Variants in EIF4E3 observed in about 807,000 individuals in gnomAD.
EIF4E3 encodes eukaryotic translation initiation factor 4E type 3.
EIF4E3 carries 26 observed loss-of-function variants against 31.7 expected under a neutral mutation model. The observed-to-expected ratio is 0.82, with a 90% confidence interval of 0.60 to 1.14. The LOEUF is 1.14. EIF4E3 is among the 50% of genes most tolerant of loss of function. The pLI is 0.00. For missense variants in EIF4E3, 304 were observed against 270.9 expected, an observed-to-expected ratio of 1.12 and a Z score of -0.86; for synonymous variants, 128 against 107.7, an observed-to-expected ratio of 1.19 and a Z score of -1.17.
At chr3:71,674,321 G>A (rs972108353), downstream of EIF4E3, among the ~76,000 whole-genome samples, 6 of 151,646 alleles carry the variant, frequency 4.0e-5, no homozygotes, top group African/African-American at 1.5e-4. Flanking sequence ...TGGCCGGGCT[G>A]GTCTTGAACT....
Position 71,749,393 on chromosome 3 carries a change from C to T in EIF4E3, c.-291+4070G>A, listed in dbSNP as rs928144049. ...CATGGGGAGGTCAACTTGAGTGCTG[C>T]CCTTTGATAATCCAACATCCACTGG... On this transcript the variant is annotated intron_variant, in intron 1 of 7. Transcript: ENST00000295612. Among the ~76,000 whole-genome samples the T allele has an allele frequency of 2.0e-5, 3 of 152,240 alleles. 1 individual carries two copies. The highest frequency in any genetic ancestry group is 7.2e-5 in the African/African-American group (3 of 41,468).
At chr3:71,661,819 G>A in the EIF4E3 span, among the ~76,000 whole-genome samples, 2 of 152,290 alleles carry the variant, frequency 1.3e-5, no homozygotes, top group East Asian at 3.9e-4. Context: ...AATGGTGGAT[G>A]GTGAGATAAT....
At chr3:71,719,737 G>A (rs890619466) in intron 1 of EIF4E3, among the ~76,000 whole-genome samples, 6 of 152,134 alleles carry the variant, frequency 3.9e-5, no homozygotes, top group Non-Finnish European at 1.5e-5. Flanking sequence ...AAGAAGAGGT[G>A]GGTTTGGACA....
intron 2 of EIF4E3, among the ~76,000 whole-genome samples, chr3:71,706,479 T>A (rs1038650427): frequency 1.3e-5 from 2 of 152,076 alleles, no homozygotes; most frequent in African/African-American, 4.8e-5. Flanking sequence ...AACACAGACA[T>A]AATTGGAGAA....
At chr3:71,740,769 A>C (rs188132351) in intron 1 of EIF4E3, among the ~76,000 whole-genome samples, 8 of 152,322 alleles carry the variant, frequency 5.3e-5, no homozygotes, top group Non-Finnish European at 1.2e-4. Flanking sequence ...ATATTTACTG[A>C]GTACCTACTA....
downstream of EIF4E3, among the ~76,000 whole-genome samples, chr3:71,670,709 C>A (rs776281028): frequency 1.3e-5 from 2 of 152,150 alleles, no homozygotes; most frequent in Non-Finnish European, 2.9e-5. Flanking sequence ...AACAGGCCCA[C>A]CTTGGTCAGA....
In EIF4E3 at chr3:71,702,802, T is replaced by C. The variant is rs377217310; in HGVS notation, c.250-3094A>G. ...AAACCTCATCCAATAGGTAGAATAT[T>C]TGTGAAGTATGTCTGCTGGTGAAAT... On this transcript the variant is annotated intron_variant, in intron 2 of 6. Coordinates refer to ENST00000425534, the MANE Select transcript of EIF4E3 (RefSeq NM_001134651.2). Among the ~76,000 whole-genome samples, 4 of 151,946 alleles carry C rather than the reference T, an allele frequency of 2.6e-5. No individual in the cohort carries two copies. In the South Asian group the frequency reaches 6.3e-4, roughly 24 times the overall value.
rs1227819492 is a variant in EIF4E3 at position 71,677,112 on chromosome 3, GA to G, written c.*7569del. Reference sequence around the variant, plus strand: ...AGTTCAACATGCTTACGATTATAAAGAATTTATGATTTATGCTTGCTAGTTA... The same window carrying G: ...AGTTCAACATGCTTACGATTATAAAGATTTATGATTTATGCTTGCTAGTTA... On this transcript the variant is annotated 3_prime_UTR_variant, in exon 7 of 7. Transcript: ENST00000425534. The G allele has an allele frequency of 4.6e-5, 7 of 152,096 alleles. No homozygotes were observed. The highest frequency in any genetic ancestry group is 1.0e-4 in the Non-Finnish European group (7 of 68,016). 9.4% of individuals were successfully genotyped at this position (152,096 alleles called of 1,614,324 possible). A position where few individuals can be genotyped will look rare whatever the true frequency, so the allele number is the denominator to read the frequency against.
chr3:71,677,605 G>A lies in EIF4E3; in HGVS notation c.*7077C>T, dbSNP rs1042734792. The A allele has an allele frequency of 6.6e-6, 1 of 152,160 alleles. No homozygotes were observed. The highest frequency in any genetic ancestry group is 1.5e-5 in the Non-Finnish European group (1 of 68,018). The allele number at this position is 152,160 out of a possible 1,614,324, so 9.4% of individuals were successfully genotyped here. Reference sequence around the variant, plus strand: ...GAGGGAAACATTATGAAATTTTAAAGCCTTCCTAGTGTTATGCCCTGCTCT... The same window carrying A: ...GAGGGAAACATTATGAAATTTTAAAACCTTCCTAGTGTTATGCCCTGCTCT... On this transcript the variant is annotated 3_prime_UTR_variant, in exon 7 of 7. Transcript: ENST00000425534.
chr3:71,681,153 T>G lies in EIF4E3; in HGVS notation c.*3529A>C, dbSNP rs375607406. ...GGAGCGATCTAGCTTTGACACATTT[T>G]TATTAGGTGCATGAAAACTAAATGT... On this transcript the variant is annotated 3_prime_UTR_variant, in exon 7 of 7. Transcript: ENST00000425534. The G allele has an allele frequency of 2.0e-5, 3 of 152,230 alleles. No homozygotes were observed. The highest frequency in any genetic ancestry group is 3.8e-4 in the East Asian group (2 of 5,198). 9.4% of individuals were successfully genotyped at this position (152,230 alleles called of 1,614,324 possible).
downstream of EIF4E3, among the ~76,000 whole-genome samples, chr3:71,670,527 G>A (rs532784167): frequency 9.6e-4 from 146 of 152,176 alleles, no homozygotes; most frequent in Admixed American, 1.6e-3. Context: ...GTACGACTTA[G>A]GAATAAAAAA....
intron 2 of EIF4E3, among the ~76,000 whole-genome samples, chr3:71,706,965 G>T (rs574676801): frequency 6.6e-6 from 1 of 152,130 alleles, no homozygotes; most frequent in Non-Finnish European, 1.5e-5. Context: ...ATGGACACTC[G>T]CAGGCTGAAA....
At chr3:71,753,180 T>A (rs2049952266) in intron 1 of EIF4E3, among the ~76,000 whole-genome samples, 1 of 152,062 alleles carries the variant, frequency 6.6e-6, no homozygotes, top group Non-Finnish European at 1.5e-5. Context: ...AGGTATAAAG[T>A]GGGATTAAGG....
chr3:71,709,325 G>T (rs964816165), intron 2 of EIF4E3, among the ~76,000 whole-genome samples: 8 of 152,238 alleles, frequency 5.3e-5, no homozygotes, highest in Non-Finnish European at 4.4e-5. Flanking sequence ...GAAGACAGGA[G>T]AAACTGGGTA....
upstream of EIF4E3, among the ~76,000 whole-genome samples, chr3:71,725,977 T>C (rs1186422389): frequency 1.3e-5 from 2 of 151,832 alleles, no homozygotes; most frequent in Non-Finnish European, 2.9e-5. This position sits in a 1 kb window ranked among gnomAD's most constrained non-coding sequence, Gnocchi z 6.1. Context: ...GATGGCCAAA[T>C]GGATAAAGAG....
chr3:71,660,161 T>C, the EIF4E3 span, among the ~76,000 whole-genome samples: 1 of 152,016 alleles, frequency 6.6e-6, no homozygotes, highest in East Asian at 1.9e-4. Context: ...GGGGGTGGTG[T>C]GAGCAGAAAA....
intron 1 of EIF4E3, among the ~76,000 whole-genome samples, chr3:71,720,612 G>T (rs55794652): frequency 4.2e-4 from 64 of 152,300 alleles, no homozygotes; most frequent in Non-Finnish European, 6.8e-4. Flanking sequence ...CTTCATAAAA[G>T]AGGTCCTCTT....
chr3:71,751,031 G>A (rs1170890132), intron 1 of EIF4E3, among the ~76,000 whole-genome samples: 2 of 151,740 alleles, frequency 1.3e-5, no homozygotes, highest in East Asian at 3.9e-4. Context: ...CAAAGTGCTG[G>A]GATTACAGGT....
intron 3 of EIF4E3, among the ~76,000 whole-genome samples, chr3:71,697,083 G>A (rs141143500): frequency 9.2e-5 from 14 of 151,704 alleles, no homozygotes; most frequent in African/African-American, 3.1e-4. Context: ...TGGCATGATC[G>A]TAGCTCACTG....
Sources: allele counts gnomAD v4.1 joint callset (sites outside exome capture counted in the v4.1 genomes callset), GRCh38; gene constraint gnomAD v4.1.1; non-coding constraint Gnocchi (gnomAD v3.1); transcripts MANE v1.5; gene names NCBI Gene and HGNC (gene_info 2026-07-23, HGNC 2026-07-21).